The following RIGI variants were observed in gnomAD, a reference collection of about 807,000 sequenced individuals.
The protein encoded by RIGI is antiviral innate immune response receptor RIG-I.
At chr9:32,493,919 T>C in the RIGI span, 1 of 1,607,280 alleles carries the variant, frequency 6.2e-7, no homozygotes, top group Non-Finnish European at 8.5e-7. Flanking sequence ...CAACTTTCAA[T>C]GGCTTCATAA....
At chr9:32,464,588 A>C in the RIGI span, among the ~76,000 whole-genome samples, 6 of 151,986 alleles carry the variant, frequency 3.9e-5, no homozygotes, top group Non-Finnish European at 8.8e-5. Context: ...ACGGGGTTTC[A>C]CCGTGGTCTC....
At chr9:32,483,659 T>A in the RIGI span, among the ~76,000 whole-genome samples, 1 of 148,460 alleles carries the variant, frequency 6.7e-6, no homozygotes. Flanking sequence ...AAATTGCAGA[T>A]GAGAAATCAT....
At chr9:32,516,720 A>C in the RIGI span, among the ~76,000 whole-genome samples, 1 of 152,172 alleles carries the variant, frequency 6.6e-6, no homozygotes, top group Non-Finnish European at 1.5e-5. Context: ...CCTGACTCTC[A>C]GTATGATACT....
chr9:32,460,087 T>C, the RIGI span, among the ~76,000 whole-genome samples: 1 of 152,234 alleles, frequency 6.6e-6, no homozygotes, highest in Non-Finnish European at 1.5e-5. Context: ...ATAGTGATTG[T>C]GTCTCACAAG....
the RIGI span, among the ~76,000 whole-genome samples, chr9:32,491,984 G>T: frequency 6.6e-6 from 1 of 152,184 alleles, no homozygotes; most frequent in Non-Finnish European, 1.5e-5. Flanking sequence ...TTCAGTTCCA[G>T]ATGGCTTCCA....
chr9:32,521,960 G>A, the RIGI span, among the ~76,000 whole-genome samples: 1 of 152,094 alleles, frequency 6.6e-6, no homozygotes, highest in African/African-American at 2.4e-5. Context: ...ATCAGATATA[G>A]TCCAGAGCTT....
the RIGI span, among the ~76,000 whole-genome samples, chr9:32,510,181 G>C: frequency 6.6e-6 from 1 of 152,146 alleles, no homozygotes; most frequent in Non-Finnish European, 1.5e-5. Flanking sequence ...TGTTATCCAG[G>C]AGAACGTCCC....
At chr9:32,464,597 T>C in the RIGI span, among the ~76,000 whole-genome samples, 1 of 152,114 alleles carries the variant, frequency 6.6e-6, no homozygotes, top group Non-Finnish European at 1.5e-5. Context: ...CACCGTGGTC[T>C]CAATCTCCTG....
the RIGI span, chr9:32,480,218 C>T: frequency 1.3e-6 from 2 of 1,594,658 alleles, no homozygotes; most frequent in Admixed American, 1.7e-5. Context: ...ACACCACTCA[C>T]CTTCAAATCT....
At chr9:32,487,922 C>T in the RIGI span, 2 of 1,611,170 alleles carry the variant, frequency 1.2e-6, no homozygotes, top group South Asian at 2.2e-5. Context: ...TCTTCTGAAG[C>T]ATTCGTCTGA....
At chr9:32,515,272 C>T in the RIGI span, among the ~76,000 whole-genome samples, 1 of 143,014 alleles carries the variant, frequency 7.0e-6, no homozygotes, top group Non-Finnish European at 1.5e-5. Context: ...GAGCCGAGAT[C>T]AGACCACTGC....
chr9:32,506,172 T>C, the RIGI span, among the ~76,000 whole-genome samples: 662 of 152,252 alleles, frequency 4.3e-3, 5 homozygotes, highest in African/African-American at 0.015. Flanking sequence ...GAGCTGAGAT[T>C]GCGCCACTGC....
the RIGI span, chr9:32,485,215 C>G: frequency 5.0e-6 from 8 of 1,609,776 alleles, no homozygotes; most frequent in Non-Finnish European, 6.8e-6. Context: ...TCTCTGTGTC[C>G]CTCATCAGCT....
the RIGI span, among the ~76,000 whole-genome samples, chr9:32,482,586 C>T: frequency 3.9e-5 from 6 of 152,140 alleles, no homozygotes; most frequent in African/African-American, 1.2e-4. Flanking sequence ...ATTGGCCGGC[C>T]GCAGTGGCTC....
chr9:32,499,082 A>C, the RIGI span, among the ~76,000 whole-genome samples: 1 of 151,250 alleles, frequency 6.6e-6, no homozygotes, highest in Admixed American at 6.6e-5. Flanking sequence ...ATAAAATGTT[A>C]TCTCACTGTG....
chr9:32,499,316 G>GTTTTTTTTTTGTTTTT, the RIGI span, among the ~76,000 whole-genome samples: 1 of 57,634 alleles, frequency 1.7e-5, no homozygotes, highest in African/African-American at 5.9e-5. Context: ...TTTGTGATTT[G>GTTTTTTTTTTGTTTTT]TTTTTTTTTT....
chr9:32,490,336 G>A, the RIGI span, among the ~76,000 whole-genome samples: 117 of 152,210 alleles, frequency 7.7e-4, no homozygotes, highest in African/African-American at 2.7e-3. Flanking sequence ...GCCACTGCAC[G>A]CCAGCCTGAG....
the RIGI span, among the ~76,000 whole-genome samples, chr9:32,516,272 G>C: frequency 0.55 from 82,931 of 151,984 alleles, 23,335 homozygotes; most frequent in Middle Eastern, 0.68. Context: ...TAGTGGGTCA[G>C]GGAGATGGAG....
the RIGI span, among the ~76,000 whole-genome samples, chr9:32,525,390 C>A: frequency 6.6e-6 from 1 of 152,220 alleles, no homozygotes; most frequent in Non-Finnish European, 1.5e-5. Context: ...TCATCGATAT[C>A]TTTTAAGTAC....
Sources: allele counts gnomAD v4.1 joint callset (sites outside exome capture counted in the v4.1 genomes callset), GRCh38; gene constraint gnomAD v4.1.1; transcripts MANE v1.5; gene names NCBI Gene and HGNC (gene_info 2026-07-23, HGNC 2026-07-21).